KIAA1671: variants seen among roughly 807,000 people sequenced by gnomAD.
KIAA1671 encodes the protein KIAA1671, also known as uncharacterized protein KIAA1671.
Under a neutral mutation model 131.2 loss-of-function variants are expected in KIAA1671, and 52 were observed. That is an observed-to-expected ratio of 0.40 (90% CI 0.32 to 0.50). The LOEUF is 0.50. Among genes scored for constraint, KIAA1671 ranks in the 20% least tolerant of loss-of-function variants. The probability of loss-of-function intolerance (pLI) is 0.73; values close to 1 mark genes in which losing one functional copy is unlikely to be tolerated. For missense variants in KIAA1671, 2,360 were observed against 2,364.2 expected, an observed-to-expected ratio of 1.00 and a Z score of 0.04; for synonymous variants, 1,003 against 961.6, an observed-to-expected ratio of 1.04 and a Z score of -0.80.
In KIAA1671 at chr22:25,039,019, G is replaced by A. The variant is rs1157381919; in HGVS notation, c.1889G>A (p.Arg630His). Residue 630 changes from arginine to histidine, a missense_variant, in exon 5 of 13, where the codon CGT (arginine) becomes CAT (histidine). Transcript: ENST00000358431. ...ERHTVADQSGRCLSTTPPGDM... is the reference protein window; with the variant it reads ...ERHTVADQSGHCLSTTPPGDM... The stretch of plus-strand genomic sequence containing the variant: ...CACACAGTGGCTGACCAGTCGGGAC[G>A]TTGTCTCTCCACCACACCCCCTGGT... 1.3e-5 allele frequency: 20 copies of A among 1,551,694 alleles called. No homozygotes were observed. In the Middle Eastern group the frequency reaches 1.0e-3, roughly 78 times the overall value.
At chr22:25,180,735 T>C (rs1934239800) in intron 9 of KIAA1671, among the ~76,000 whole-genome samples, 1 of 152,170 alleles carries the variant, frequency 6.6e-6, no homozygotes, top group South Asian at 2.1e-4. Flanking sequence ...TCTGACCAGA[T>C]ACCTTAAAGA....
chr22:25,133,209 G>A (rs2145948012), intron 6 of KIAA1671, among the ~76,000 whole-genome samples: 1 of 152,294 alleles, frequency 6.6e-6, no homozygotes, highest in Non-Finnish European at 1.5e-5. Flanking sequence ...CTGTATTTCT[G>A]AGATCTCAGA....
At chr22:25,172,435 A>G (rs61116297) in intron 7 of KIAA1671, among the ~76,000 whole-genome samples, 11,269 of 152,244 alleles carry the variant, frequency 0.074, 1,349 homozygotes, top group African/African-American at 0.25. Context: ...ATTTGCCTCA[A>G]TCCACCTTAC....
At chr22:25,139,924 T>C (rs1932782246) in intron 6 of KIAA1671, among the ~76,000 whole-genome samples, 1 of 152,206 alleles carries the variant, frequency 6.6e-6, no homozygotes, top group African/African-American at 2.4e-5. Context: ...TGGAGGTCTT[T>C]GTGGCCAGGT....
chr22:25,054,739 C>T lies in KIAA1671; in HGVS notation c.4530+5375C>T, dbSNP rs1393713328. On this transcript the variant is annotated intron_variant, in intron 6 of 12. Coordinates refer to ENST00000358431, the MANE Select transcript of KIAA1671 (RefSeq NM_001145206.2). ...AATTTAATTTGAATTTGTGTAAAGTCTCCCTGGAGGAGGGAGGGGGTGTCT... is the reference window on the plus strand; with the variant it reads ...AATTTAATTTGAATTTGTGTAAAGTTTCCCTGGAGGAGGGAGGGGGTGTCT... 1.4e-5 allele frequency: 2 copies of T among 147,562 alleles called. 1 individual carries two copies. Among genetic ancestry groups the T allele is most frequent in the African/African-American group, 5.1e-5 (2 of 39,118 alleles). The allele number at this position is 147,562 out of a possible 1,614,324, so 9.1% of individuals were successfully genotyped here. A position where few individuals can be genotyped will look rare whatever the true frequency, so the allele number is the denominator to read the frequency against.
intron 6 of KIAA1671, among the ~76,000 whole-genome samples, chr22:25,089,646 CATA>C (rs1601300616): frequency 1.3e-5 from 2 of 152,294 alleles, no homozygotes. Context: ...TTCTTTTTCT[CATA>C]ATGATGAGAT....
At position 25,000,439 on chromosome 22, in the gene KIAA1671, C is replaced by T. The variant is rs111604700; in HGVS notation, c.-207-25194C>T. On this transcript the variant is annotated intron_variant, in intron 1 of 12. Coordinates refer to ENST00000358431, the MANE Select transcript of KIAA1671 (RefSeq NM_001145206.2). The stretch of plus-strand genomic sequence containing the variant: ...CGATCTCCTGACCTCGTGATCCGCC[C>T]GCCTCGGCCTCCCAAAGTGCTGGGA... Among the ~76,000 whole-genome samples the T allele has an allele frequency of 3.2e-5, 3 of 93,694 alleles. 1 individual carries two copies. The highest frequency in any genetic ancestry group is 2.2e-5 in the Non-Finnish European group (1 of 45,210). 61.5% of individuals were successfully genotyped at this position (93,694 alleles called of 152,430 possible).
At chr22:25,125,523 G>A (rs936000732) in intron 6 of KIAA1671, among the ~76,000 whole-genome samples, 2 of 152,140 alleles carry the variant, frequency 1.3e-5, no homozygotes, top group African/African-American at 2.4e-5. Flanking sequence ...TTTGGGGTTC[G>A]TTTCCTGAGA....
Position 25,032,670 on chromosome 22 carries a change from G to A in KIAA1671, c.1603G>A (p.Glu535Lys), listed in dbSNP as rs1458512356. The A allele has an allele frequency of 6.5e-6, 10 of 1,546,544 alleles. No homozygotes were observed. In the South Asian group the frequency reaches 7.2e-5, roughly 11 times the overall value. ...KYEKSAELSG[E>K]FPKEPREKQK... Reference sequence around the variant, plus strand: ...TGAGAAGAGTGCTGAGCTGAGCGGCGAGTTTCCTAAGGAACCGAGAGAAAA... The same window carrying A: ...TGAGAAGAGTGCTGAGCTGAGCGGCAAGTTTCCTAAGGAACCGAGAGAAAA... The change falls in exon 4 of 13, where the codon GAG becomes AAG. Residue 535 changes from glutamate (E) to lysine (K), a missense_variant. Around this residue, in one of 3 missense-constraint regions of KIAA1671, gnomAD observed 1,185 missense variants for 1,126.2 expected, o/e 1.05. Transcript: ENST00000358431.
Position 25,039,013 on chromosome 22 carries a change from C to T in KIAA1671, c.1883C>T (p.Ser628Leu), listed in dbSNP as rs964201773. The change falls in exon 5 of 13, where the codon TCG (serine) becomes TTG (leucine). Residue 628 changes from serine to leucine, a missense_variant. Physicochemically the swap from Ser to Leu is moderately radical, Grantham distance 145. This residue lies in a region of KIAA1671 where 1,185 missense variants were observed against 1,126.2 expected (regional missense o/e 1.05). Transcript: ENST00000358431. Reference sequence around the variant, plus strand: ...GAGAGACACACAGTGGCTGACCAGTCGGGACGTTGTCTCTCCACCACACCC... The same window carrying T: ...GAGAGACACACAGTGGCTGACCAGTTGGGACGTTGTCTCTCCACCACACCC... The part of the protein sequence containing the change: ...HVERHTVADQ[S>L]GRCLSTTPPG... 28 of 1,551,678 alleles carry T rather than the reference C, an allele frequency of 1.8e-5. No homozygotes were observed. The East Asian group carries it at 2.9e-4, about 16-fold the overall frequency.
intron 11 of KIAA1671, chr22:25,185,741 C>T (rs992052324): frequency 1.3e-5 from 2 of 152,254 alleles, no homozygotes; most frequent in African/African-American, 4.8e-5. Flanking sequence ...TGCTTAAGAG[C>T]TGCATGATGT....
chr22:24,961,502 G>A (rs944930205), intron 1 of KIAA1671, among the ~76,000 whole-genome samples: 2 of 152,208 alleles, frequency 1.3e-5, no homozygotes, highest in Middle Eastern at 3.2e-3. Context: ...TAGCTTGGCT[G>A]ACCTTAGCTA....
intron 6 of KIAA1671, among the ~76,000 whole-genome samples, chr22:25,094,519 G>C (rs1253332788): frequency 6.6e-6 from 1 of 152,150 alleles, no homozygotes; most frequent in African/African-American, 2.4e-5. Context: ...CCCCTCAAGA[G>C]AACTTGAAGA....
At chr22:25,065,571 C>T (rs1928424661) in intron 6 of KIAA1671, among the ~76,000 whole-genome samples, 1 of 152,056 alleles carries the variant, frequency 6.6e-6, no homozygotes, top group African/African-American at 2.4e-5. Context: ...AAAAGAAAAA[C>T]AACACTCAAA....
chr22:25,095,518 G>A (rs1384170542), intron 6 of KIAA1671, among the ~76,000 whole-genome samples: 1 of 152,122 alleles, frequency 6.6e-6, no homozygotes, highest in East Asian at 1.9e-4. Context: ...AGGCATGGTG[G>A]CGGGCACCTG....
intron 1 of KIAA1671, among the ~76,000 whole-genome samples, chr22:25,001,997 A>G (rs1602058011): frequency 6.6e-6 from 1 of 152,208 alleles, no homozygotes; most frequent in African/African-American, 2.4e-5. Context: ...ATATATATAC[A>G]TACACATATT....
rs1926104722 is a variant in KIAA1671 at position 25,028,760 on chromosome 22, A to T, written c.761A>T (p.Gln254Leu). 2 of 1,551,326 alleles carry T rather than the reference A, an allele frequency of 1.3e-6. No homozygotes were observed. The highest frequency in any genetic ancestry group is 1.7e-6 in the Non-Finnish European group (2 of 1,147,008). The change falls in exon 3 of 13, where the codon CAG (glutamine) becomes CTG (leucine). Residue 254 changes from glutamine to leucine, a missense_variant. By Grantham distance (113) the Gln-to-Leu change is moderately radical. This residue lies in a region of KIAA1671 where 1,185 missense variants were observed against 1,126.2 expected (regional missense o/e 1.05). Transcript: ENST00000358431. ...SAIFTESIQPQKPGPGAAATV... is the reference protein window; with the variant it reads ...SAIFTESIQPLKPGPGAAATV... ...ATTTTCACGGAGTCCATTCAGCCTCAGAAGCCAGGCCCCGGCGCAGCGGCC... is the reference window on the plus strand; with the variant it reads ...ATTTTCACGGAGTCCATTCAGCCTCTGAAGCCAGGCCCCGGCGCAGCGGCC...
Position 25,039,844 on chromosome 22 carries a change from C to T in KIAA1671, c.2714C>T (p.Ala905Val). The change falls in exon 5 of 13, where the codon GCA becomes GTA. Residue 905 changes from alanine (A) to valine (V), a missense_variant. Ala to Val is a moderately conservative substitution (Grantham distance 64). Around this residue, in one of 3 missense-constraint regions of KIAA1671, gnomAD observed 1,161 missense variants for 1,204.7 expected, o/e 0.96. Coordinates refer to ENST00000358431, the MANE Select transcript of KIAA1671 (RefSeq NM_001145206.2). ...TCCCAAGCACGAACACATCCAGATG[C>T]ATTTGCTGTGCAGAAAGGGCCCTTC... ...SDSQARTHPD[A>V]FAVQKGPFIV... The T allele has an allele frequency of 6.5e-7, 1 of 1,549,278 alleles. No individual in the cohort carries two copies. Among genetic ancestry groups the T allele is most frequent in the Admixed American group, 2.0e-5 (1 of 50,776 alleles).
At chr22:25,183,126 C>G (rs369086110) in intron 10 of KIAA1671, among the ~76,000 whole-genome samples, 13 of 152,314 alleles carry the variant, frequency 8.5e-5, no homozygotes, top group African/African-American at 3.1e-4. Context: ...AGCAACCTTG[C>G]AAAAGGTAGC....
Sources: allele counts gnomAD v4.1 joint callset (sites outside exome capture counted in the v4.1 genomes callset), GRCh38; gene constraint gnomAD v4.1.1; regional missense constraint gnomAD v4.1.1; transcripts MANE v1.5; gene names NCBI Gene and HGNC (gene_info 2026-07-23, HGNC 2026-07-21).